Variants in GARRE1 observed in about 807,000 individuals in gnomAD.
GARRE1 encodes granule associated Rac and RHOG effector protein 1.
GARRE1 carries 49 observed loss-of-function variants against 103.2 expected under a neutral mutation model. That is an observed-to-expected ratio of 0.47 (90% CI 0.38 to 0.60). The LOEUF (loss-of-function observed/expected upper bound fraction) is 0.60, where lower values mean the gene tolerates loss of function less well. Among genes scored for constraint, GARRE1 ranks in the 20% least tolerant of loss-of-function variants. The probability of loss-of-function intolerance (pLI) is 0.00; values close to 1 mark genes in which losing one functional copy is unlikely to be tolerated. For synonymous variants in GARRE1, 505 were observed against 532.8 expected (o/e 0.95, Z 0.72); for missense variants, 1,199 against 1,370.5 (o/e 0.87, Z 1.98).
At chr19:34,276,500 G>A (rs2073817935) in intron 1 of GARRE1, among the ~76,000 whole-genome samples, 1 of 152,156 alleles carries the variant, frequency 6.6e-6, no homozygotes, top group Admixed American at 6.6e-5. Context: ...TACAGTGGAA[G>A]ATGCCATAAA....
chr19:34,348,772 C>T (rs1339883389), intron 11 of GARRE1: 1 of 486,062 alleles, frequency 2.1e-6, no homozygotes. Flanking sequence ...CCCTCCCTTG[C>T]TTTTTCTAAA....
intron 1 of GARRE1, among the ~76,000 whole-genome samples, chr19:34,288,281 T>A (rs2073898210): frequency 6.6e-6 from 1 of 152,208 alleles, no homozygotes; most frequent in Non-Finnish European, 1.5e-5. Flanking sequence ...ATGGAAACTG[T>A]GGTGTTTGGG....
intron 1 of GARRE1, among the ~76,000 whole-genome samples, chr19:34,295,505 G>C (rs1409803466): frequency 1.5e-5 from 2 of 133,526 alleles, no homozygotes; most frequent in Non-Finnish European, 3.3e-5. Context: ...CATGAATCTT[G>C]TATCTCTTGG....
At chr19:34,307,526 TTA>T (rs138253510) in intron 2 of GARRE1, among the ~76,000 whole-genome samples, 15 of 148,828 alleles carry the variant, frequency 1.0e-4, no homozygotes, top group East Asian at 3.9e-4. Context: ...TATATACGTA[TTA>T]TATATATATA....
chr19:34,269,117 A>G (rs1024841105), intron 1 of GARRE1, among the ~76,000 whole-genome samples: 1 of 152,218 alleles, frequency 6.6e-6, no homozygotes, highest in Non-Finnish European at 1.5e-5. Flanking sequence ...AGTTGTTTGT[A>G]GATTACCAAA....
rs375494460 is a variant in GARRE1 at position 34,347,860 on chromosome 19, C to T, written c.2522-17C>T. The T allele has an allele frequency of 3.6e-5, 55 of 1,510,266 alleles. 2 individuals are homozygous for T. The African/African-American group carries it at 6.8e-4, about 19-fold the overall frequency. The allele number at this position is 1,510,266 out of a possible 1,614,324, so 93.6% of individuals were successfully genotyped here. On this transcript the variant is annotated splice_polypyrimidine_tract_variant and intron_variant, in intron 10 of 13. Transcript: ENST00000299505. The stretch of plus-strand genomic sequence containing the variant: ...AGTTTGTCCCCAAACCCGGTTTATT[C>T]CTTTGTCCCAATGCAGTGGGCTCAG...
intron 1 of GARRE1, among the ~76,000 whole-genome samples, chr19:34,273,724 C>T (rs754419920): frequency 6.6e-5 from 10 of 152,068 alleles, no homozygotes; most frequent in African/African-American, 2.4e-4. Flanking sequence ...AGGAACCCCT[C>T]GCTCAGTCTG....
chr19:34,301,386 G>A (rs952437832), intron 2 of GARRE1, among the ~76,000 whole-genome samples: 3 of 151,784 alleles, frequency 2.0e-5, no homozygotes, highest in African/African-American at 7.3e-5. Context: ...ACATCCAGAA[G>A]CCCTGACTAC....
At chr19:34,266,110 C>T (rs946583603) in intron 1 of GARRE1, among the ~76,000 whole-genome samples, 2 of 152,206 alleles carry the variant, frequency 1.3e-5, no homozygotes, top group African/African-American at 2.4e-5. Context: ...ACCACTGCAT[C>T]CTGGGTTCCT....
Position 34,354,009 on chromosome 19 carries a change from A to G in GARRE1, c.*1054A>G, listed in dbSNP as rs2074255883. 1 of 152,664 alleles carries G rather than the reference A, an allele frequency of 6.6e-6. No homozygotes were observed. Among genetic ancestry groups the G allele is most frequent in the South Asian group, 2.1e-4 (1 of 4,838 alleles). The allele number at this position is 152,664 out of a possible 1,614,324, so 9.5% of individuals were successfully genotyped here. On this transcript the variant is annotated 3_prime_UTR_variant, in exon 14 of 14. Coordinates refer to ENST00000299505, the MANE Select transcript of GARRE1 (RefSeq NM_014686.5). ...GGATTTAGGGATATTTTCCAGCCAGAATGGATCCAGAAGAATTGAATGGTG... is the reference window on the plus strand; with the variant it reads ...GGATTTAGGGATATTTTCCAGCCAGGATGGATCCAGAAGAATTGAATGGTG...
chr19:34,296,269 GA>G (rs1173155435), intron 1 of GARRE1: 149 of 671,852 alleles, frequency 2.2e-4, no homozygotes, highest in Non-Finnish European at 3.5e-4. Flanking sequence ...TTTGTAGACA[GA>G]GATATCTACT....
chr19:34,341,623 C>G lies in GARRE1; in HGVS notation c.1689C>G (p.Thr563=). The part of the protein sequence containing the change: ...SSSTNYSIQN[T]PSKNIFIAGC... ...GCACAAATTATTCCATCCAAAATAC[C>G]CCTTCCAAAAACATCTTCATAGCTG... Residue 563 remains threonine (T), a synonymous_variant, in exon 10 of 14, where the codon ACC becomes ACG. Coordinates refer to ENST00000299505, the MANE Select transcript of GARRE1 (RefSeq NM_014686.5). 1 of 1,614,088 alleles carries G rather than the reference C, an allele frequency of 6.2e-7. No individual in the cohort carries two copies. The highest frequency in any genetic ancestry group is 8.5e-7 in the Non-Finnish European group (1 of 1,180,000).
intron 8 of GARRE1, 131 bp from the exon 9 acceptor site, chr19:34,339,734 ATG>A: frequency 9.8e-7 from 1 of 1,020,224 alleles, no homozygotes; most frequent in South Asian, 1.5e-5. Context: ...TGTTCTCTCC[ATG>A]TTCTTACAGT....
At chr19:34,290,647 T>C (rs1420112237) in intron 1 of GARRE1, among the ~76,000 whole-genome samples, 1 of 151,800 alleles carries the variant, frequency 6.6e-6, no homozygotes, top group Non-Finnish European at 1.5e-5. Context: ...ATAGGTGACC[T>C]GGCTAATTTG....
intron 2 of GARRE1, among the ~76,000 whole-genome samples, chr19:34,311,589 A>G (rs1282991264): frequency 6.6e-6 from 1 of 152,086 alleles, no homozygotes; most frequent in Non-Finnish European, 1.5e-5. Flanking sequence ...TTTACCTTAG[A>G]AAAAAATAAA....
At chr19:34,287,882 A>T (rs757364301) in intron 1 of GARRE1, among the ~76,000 whole-genome samples, 1 of 152,158 alleles carries the variant, frequency 6.6e-6, no homozygotes, top group Non-Finnish European at 1.5e-5. Flanking sequence ...TCCAGATACC[A>T]TCACAATGGG....
chr19:34,319,547 G>A (rs1388157174), intron 2 of GARRE1, among the ~76,000 whole-genome samples: 1 of 152,144 alleles, frequency 6.6e-6, no homozygotes, highest in Non-Finnish European at 1.5e-5. Flanking sequence ...CTGTATGGAC[G>A]TAATTGCTGT....
At chr19:34,328,265 G>GCCACCACGCC in intron 6 of GARRE1, 114 bp downstream of exon 6, 2 of 1,193,266 alleles carry the variant, frequency 1.7e-6, no homozygotes, top group Non-Finnish European at 2.3e-6. Context: ...GCCGGGCGTG[G>GCCACCACGCC]TGGCTCACGC....
chr19:34,342,484 G>C (rs766149415), intron 10 of GARRE1, 29 bp downstream of exon 10: 12 of 1,576,348 alleles, frequency 7.6e-6, no homozygotes, highest in Admixed American at 1.7e-5. Flanking sequence ...CCCTCGCCCA[G>C]TGTCAACAGC....
Sources: gnomAD v4.1 joint callset for allele counts (sites outside exome capture counted in the v4.1 genomes callset) on GRCh38, gnomAD v4.1.1 for gene constraint, MANE v1.5 for transcripts, NCBI Gene and HGNC (gene_info 2026-07-23, HGNC 2026-07-21) for gene names.